Variants in IGF2BP2 observed in about 807,000 individuals in gnomAD.
IGF2BP2 encodes the protein insulin like growth factor 2 mRNA binding protein 2, also known as insulin-like growth factor 2 mRNA-binding protein 2.
A neutral mutation model predicts 75.8 loss-of-function variants in IGF2BP2; 17 were observed. The observed-to-expected ratio is 0.22, with a 90% CI of 0.15 to 0.34. IGF2BP2 has a LOEUF of 0.34. IGF2BP2 is among the 10% of genes least tolerant of loss of function. The pLI, the probability that IGF2BP2 is intolerant of heterozygous loss-of-function variation, is 1.00. For synonymous variants in IGF2BP2, 288 were observed against 295.6 expected (o/e 0.97, Z 0.26); for missense variants, 516 against 772.4 (o/e 0.67, Z 3.93).
intron 2 of IGF2BP2, among the ~76,000 whole-genome samples, chr3:185,723,076 T>C (rs542882069): frequency 4.6e-5 from 7 of 152,152 alleles, no homozygotes; most frequent in Non-Finnish European, 1.0e-4. Context: ...AGAGAACCAA[T>C]ACAAATCAAC....
intron 7 of IGF2BP2, among the ~76,000 whole-genome samples, chr3:185,685,850 C>G (rs1158687536): frequency 6.6e-6 from 1 of 152,142 alleles, no homozygotes; most frequent in Non-Finnish European, 1.5e-5. Context: ...CACTATGTTG[C>G]CCAGCCTGGT....
At chr3:185,721,200 TTTA>T (rs555532894) in intron 2 of IGF2BP2, among the ~76,000 whole-genome samples, 4 of 151,998 alleles carry the variant, frequency 2.6e-5, no homozygotes, top group African/African-American at 9.7e-5. Flanking sequence ...TTTGTTTTTG[TTTA>T]TTATTATTAT....
chr3:185,708,708 GAACCTTCCTCAAA>G (rs1386236090), intron 2 of IGF2BP2, among the ~76,000 whole-genome samples: 1 of 152,088 alleles, frequency 6.6e-6, no homozygotes, highest in African/African-American at 2.4e-5. Flanking sequence ...TCAAGTTTGA[GAACCTTCCTCAAA>G]GCATGGATTG....
intron 2 of IGF2BP2, among the ~76,000 whole-genome samples, chr3:185,790,280 AAAATGATTGG>A (rs56068496): frequency 0.41 from 61,677 of 151,658 alleles, 13,997 homozygotes; most frequent in African/African-American, 0.63. Flanking sequence ...GCTTCTAAAC[AAAATGATTGG>A]GAAGTGAGTC....
chr3:185,787,539 C>T (rs1236847935), intron 2 of IGF2BP2, among the ~76,000 whole-genome samples: 2 of 152,150 alleles, frequency 1.3e-5, no homozygotes, highest in Admixed American at 1.3e-4. Flanking sequence ...TCGAGACCAG[C>T]CTGGCCAACG....
chr3:185,715,238 T>C (rs781428469), intron 2 of IGF2BP2, among the ~76,000 whole-genome samples: 1 of 152,152 alleles, frequency 6.6e-6, no homozygotes, highest in African/African-American at 2.4e-5. Context: ...GAACAGGAAT[T>C]TGAGGAATCT....
chr3:185,644,732 C>A lies in IGF2BP2; in HGVS notation c.*799G>T, dbSNP rs1444647640. 5.9e-5 allele frequency: 9 copies of A among 152,540 alleles called. No individual in the cohort carries two copies. The highest frequency in any genetic ancestry group is 1.3e-4 in the Admixed American group (2 of 15,260). The allele number at this position is 152,540 out of a possible 1,614,324, so 9.4% of individuals were successfully genotyped here. A position where few individuals can be genotyped will look rare whatever the true frequency, so the allele number is the denominator to read the frequency against. On this transcript the variant is annotated 3_prime_UTR_variant, in exon 16 of 16. Transcript: ENST00000382199. ...GAATTATATAGCAGTATGCAAAAAA[C>A]CAGTTTAAAACCTGTGAAGCAAAGA...
intron 2 of IGF2BP2, among the ~76,000 whole-genome samples, chr3:185,780,913 C>G (rs982260528): frequency 2.6e-5 from 4 of 152,152 alleles, no homozygotes; most frequent in Non-Finnish European, 4.4e-5. Context: ...CTTGTGATTC[C>G]AAGTCCTCTA....
At chr3:185,721,823 T>C (rs1726593418) in intron 2 of IGF2BP2, among the ~76,000 whole-genome samples, 1 of 152,078 alleles carries the variant, frequency 6.6e-6, no homozygotes, top group African/African-American at 2.4e-5. Context: ...ACTTCAGCAA[T>C]GTTGGCTTTC....
chr3:185,738,335 A>C (rs1487635825), intron 2 of IGF2BP2, among the ~76,000 whole-genome samples: 1 of 152,228 alleles, frequency 6.6e-6, no homozygotes, highest in Non-Finnish European at 1.5e-5. Context: ...ATCTAGTGTA[A>C]AAGATAAACA....
At chr3:185,722,127 T>C in intron 2 of IGF2BP2, 1 of 364,302 alleles carries the variant, frequency 2.7e-6, no homozygotes, top group Non-Finnish European at 5.3e-6. Flanking sequence ...AGAGAGAGTG[T>C]CTCACTATGT....
At chr3:185,691,349 C>T (rs1019365489) in intron 5 of IGF2BP2, among the ~76,000 whole-genome samples, 11 of 152,190 alleles carry the variant, frequency 7.2e-5, no homozygotes, top group Non-Finnish European at 1.5e-4. Flanking sequence ...CTGCCCACCT[C>T]GGCCTCCCAA....
At position 185,806,873 on chromosome 3, in the gene IGF2BP2, G is replaced by C. The variant is rs965346244; in HGVS notation, c.239+16280C>G. Among the ~76,000 whole-genome samples, 184 of 152,140 alleles carry C rather than the reference G, an allele frequency of 1.2e-3. 2 individuals are homozygous for C. The highest frequency in any genetic ancestry group is 6.8e-4 in the Non-Finnish European group (46 of 68,004). On this transcript the variant is annotated intron_variant, in intron 2 of 15. Transcript: ENST00000382199. ...CTGATGCGTTGTAGTTTTAGCAGGGGAGAGAACTGGACATATTTGATATCA... is the reference window on the plus strand; with the variant it reads ...CTGATGCGTTGTAGTTTTAGCAGGGCAGAGAACTGGACATATTTGATATCA...
chr3:185,692,749 T>C lies in IGF2BP2; in HGVS notation c.354A>G (p.Thr118=), dbSNP rs929407482. The C allele has an allele frequency of 1.9e-6, 3 of 1,613,962 alleles. No individual in the cohort carries two copies. Among genetic ancestry groups the C allele is most frequent in the Non-Finnish European group, 2.5e-6 (3 of 1,179,956 alleles). The change falls in exon 5 of 16, where the codon ACA becomes ACG. Residue 118 remains threonine (T), a synonymous_variant. Transcript: ENST00000382199. ...VENVEQVNTD[T]ETAVVNVTYA... ...ATGTGACGTTGACAACGGCGGTTTC[T>C]GTGTCTGTGTTGACTAGGGAAAAGG...
intron 2 of IGF2BP2, among the ~76,000 whole-genome samples, chr3:185,784,437 C>T (rs993240122): frequency 4.6e-5 from 7 of 152,198 alleles, no homozygotes; most frequent in African/African-American, 1.7e-4. Flanking sequence ...AATGGAATGG[C>T]TCATCCCACC....
intron 11 of IGF2BP2, 49 bp from the exon 12 acceptor site, chr3:185,657,451 C>G: frequency 7.1e-7 from 1 of 1,403,542 alleles, no homozygotes. Context: ...CAGGCTTTCT[C>G]CTCCAGGCAC....
intron 12 of IGF2BP2, among the ~76,000 whole-genome samples, chr3:185,655,582 T>C (rs750357787): frequency 4.1e-4 from 63 of 152,220 alleles, no homozygotes; most frequent in Non-Finnish European, 8.1e-4. Flanking sequence ...TCCTAAGCTG[T>C]AGAGTCCATT....
intron 2 of IGF2BP2, among the ~76,000 whole-genome samples, chr3:185,822,082 TTAAAA>T (rs1741444761): frequency 6.6e-6 from 1 of 152,172 alleles, no homozygotes; most frequent in African/African-American, 2.4e-5. Context: ...TGTTGCTTAC[TTAAAA>T]TAAAACATAT....
rs964721957 is a variant in IGF2BP2 at position 185,656,445 on chromosome 3, G to A, written c.1386+841C>T. On this transcript the variant is annotated intron_variant, in intron 12 of 15. Transcript: ENST00000382199. ...TTGTTTTTCCTCTAGCACACTTGCT[G>A]TGGGAGAAATTCCAGCTCTTCCTGG... is the stretch of plus-strand genomic sequence containing the variant. Among the ~76,000 whole-genome samples the A allele has an allele frequency of 9.9e-5, 15 of 152,270 alleles. 1 individual carries two copies. The highest frequency in any genetic ancestry group is 8.5e-4 in the Admixed American group (13 of 15,290).
Sources: gnomAD v4.1 joint callset for allele counts (sites outside exome capture counted in the v4.1 genomes callset) on GRCh38, gnomAD v4.1.1 for gene constraint, MANE v1.5 for transcripts, NCBI Gene and HGNC (gene_info 2026-07-23, HGNC 2026-07-21) for gene names.